Variants in SUCLA2 observed in about 807,000 individuals in gnomAD.
SUCLA2 encodes the protein succinate-CoA ligase ADP-forming subunit beta.
Under a neutral mutation model 54.8 loss-of-function variants are expected in SUCLA2, and 30 were observed. The ratio of observed to expected loss-of-function variants is 0.55; its 90% CI spans 0.41 to 0.74. SUCLA2 has a LOEUF of 0.74. SUCLA2 is among the 30% of genes least tolerant of loss of function. SUCLA2 has a pLI of 0.00. For missense variants in SUCLA2, 476 were observed against 562.9 expected (o/e 0.85, Z 1.56); for synonymous variants, 172 against 188.9 (o/e 0.91, Z 0.74).
At chr13:47,968,213 G>A (rs1023984706) in intron 6 of SUCLA2, among the ~76,000 whole-genome samples, 3 of 152,110 alleles carry the variant, frequency 2.0e-5, no homozygotes, top group Admixed American at 2.0e-4. Flanking sequence ...TTTTAATATG[G>A]TAACCACATT....
intron 2 of SUCLA2, among the ~76,000 whole-genome samples, chr13:47,995,114 A>G (rs1950180585): frequency 6.6e-6 from 1 of 152,208 alleles, no homozygotes; most frequent in South Asian, 2.1e-4. Context: ...CCAGCTACTC[A>G]GAGGCCTAAG....
chr13:47,980,340 G>C (rs560284783), intron 4 of SUCLA2, among the ~76,000 whole-genome samples: 8 of 152,054 alleles, frequency 5.3e-5, no homozygotes, highest in Non-Finnish European at 1.0e-4. Context: ...GTGTGAACCC[G>C]GGAAATGCAG....
intron 6 of SUCLA2, among the ~76,000 whole-genome samples, chr13:47,963,601 C>T (rs771652999): frequency 2.0e-5 from 3 of 151,886 alleles, no homozygotes; most frequent in African/African-American, 7.3e-5. Flanking sequence ...GCTGAGATCA[C>T]GCCACTGCAC....
chr13:47,949,450 T>C (rs773060630), intron 9 of SUCLA2, 33 bp downstream of exon 9: 5 of 1,612,290 alleles, frequency 3.1e-6, no homozygotes, highest in Admixed American at 1.7e-5. Flanking sequence ...TTTAAAGAAT[T>C]AGGAACAACT....
At chr13:47,944,343 ATTG>A (rs1393163698) in intron 10 of SUCLA2, among the ~76,000 whole-genome samples, 2 of 152,184 alleles carry the variant, frequency 1.3e-5, no homozygotes, top group Non-Finnish European at 1.5e-5. Context: ...CAATATTATT[ATTG>A]TTATGACTTC....
chr13:47,974,078 A>AAAGT (rs1949989345), intron 4 of SUCLA2, among the ~76,000 whole-genome samples: 1 of 110,266 alleles, frequency 9.1e-6, no homozygotes, highest in African/African-American at 3.1e-5. Flanking sequence ...CCCAGAACTT[A>AAAGT]AAGTATAATT....
At chr13:47,954,972 T>C (rs977811413) in intron 6 of SUCLA2, among the ~76,000 whole-genome samples, 2 of 152,020 alleles carry the variant, frequency 1.3e-5, no homozygotes, top group African/African-American at 4.8e-5. Flanking sequence ...CCCCACCCCT[T>C]ACCTTTCTAT....
At chr13:47,988,845 T>C (rs187030258) in intron 3 of SUCLA2, 37 bp downstream of exon 3, 16 of 1,598,416 alleles carry the variant, frequency 1.0e-5, no homozygotes, top group African/African-American at 2.7e-5. Flanking sequence ...AATCAGTCTT[T>C]AACAAGGATG....
intron 1 of SUCLA2, among the ~76,000 whole-genome samples, chr13:47,998,186 A>AG (rs1950203933): frequency 6.6e-6 from 1 of 151,896 alleles, no homozygotes; most frequent in Admixed American, 6.6e-5. Flanking sequence ...CTGAGGCAGG[A>AG]GGATCCCTTC....
intron 4 of SUCLA2, among the ~76,000 whole-genome samples, chr13:47,977,377 C>G (rs181518585): frequency 1.4e-4 from 22 of 152,246 alleles, no homozygotes; most frequent in Non-Finnish European, 8.8e-5. Context: ...ACCAATCTTT[C>G]CCAAGCTCTT....
intron 5 of SUCLA2, among the ~76,000 whole-genome samples, chr13:47,972,331 T>C (rs531552785): frequency 1.3e-5 from 2 of 151,870 alleles, no homozygotes; most frequent in South Asian, 2.1e-4. Flanking sequence ...AAAAATTGAT[T>C]TGAAACAACT....
chr13:47,972,016 C>T (rs1379112457), intron 5 of SUCLA2: 3 of 392,732 alleles, frequency 7.6e-6, no homozygotes, highest in African/African-American at 2.1e-5. Context: ...TTCAGGAGGC[C>T]GATGAGGGTG....
chr13:48,001,020 C>G (rs1950226532), intron 1 of SUCLA2, 160 bp downstream of exon 1: 3 of 1,475,564 alleles, frequency 2.0e-6, no homozygotes, highest in Non-Finnish European at 1.8e-6. Flanking sequence ...GCTCGTAGTC[C>G]TGGCGAGCAG....
intron 4 of SUCLA2, among the ~76,000 whole-genome samples, chr13:47,986,611 T>G (rs2137740395): frequency 6.6e-6 from 1 of 152,320 alleles, no homozygotes; most frequent in East Asian, 1.9e-4. Context: ...ATCATGAATC[T>G]TTGCCCGCGC....
intron 10 of SUCLA2, among the ~76,000 whole-genome samples, chr13:47,946,733 G>A (rs1325373903): frequency 6.6e-6 from 1 of 152,018 alleles, no homozygotes; most frequent in African/African-American, 2.4e-5. Flanking sequence ...AGATATAATT[G>A]CTTTCAGTAA....
In SUCLA2 at chr13:47,988,371, G is replaced by A. The variant is rs920362681; in HGVS notation, c.534+170C>T. The A allele has an allele frequency of 3.6e-5, 24 of 668,234 alleles. No homozygotes were observed. The Admixed American group carries it at 6.4e-4, about 18-fold the overall frequency. The allele number at this position is 668,234 out of a possible 1,614,324, so 41.4% of individuals were successfully genotyped here. A position where few individuals can be genotyped will look rare whatever the true frequency, so the allele number is the denominator to read the frequency against. The stretch of plus-strand genomic sequence containing the variant: ...CATGATATTATATATCAAATTTTAC[G>A]GCATTAAAGAAGCTGTTTTTTAAAT... On this transcript the variant is annotated intron_variant, in intron 4 of 10. Coordinates refer to ENST00000646932, the MANE Select transcript of SUCLA2 (RefSeq NM_003850.3).
At chr13:47,961,918 T>C (rs191180954) in intron 6 of SUCLA2, among the ~76,000 whole-genome samples, 1 of 152,326 alleles carries the variant, frequency 6.6e-6, no homozygotes, top group African/African-American at 2.4e-5. Flanking sequence ...GAGGAGTTCA[T>C]GAAAAGGATT....
At chr13:47,996,736 T>G (rs571078957) in intron 2 of SUCLA2, 107 bp downstream of exon 2, 1 of 982,828 alleles carries the variant, frequency 1.0e-6, no homozygotes, top group East Asian at 2.6e-5. Flanking sequence ...AAAGAAAATG[T>G]ATTTTTTTTA....
In SUCLA2 at chr13:47,949,571, T is replaced by G; in HGVS notation, c.1140A>C (p.Gly380=). The stretch of plus-strand genomic sequence containing the variant: ...GTGCAATAACATCACAGCGCATGAT[T>G]CCTCCAAAAATGTTGACCAGAATAG... ...VLAILVNIFG[G]IMRCDVIAQG... is the part of the protein sequence containing the mutation. Residue 380 remains glycine, a synonymous_variant, in exon 9 of 11, where the codon GGA becomes GGC. Coordinates refer to ENST00000646932, the MANE Select transcript of SUCLA2 (RefSeq NM_003850.3). 1 of 1,613,560 alleles carries G rather than the reference T, an allele frequency of 6.2e-7. No homozygotes were observed. The highest frequency in any genetic ancestry group is 8.5e-7 in the Non-Finnish European group (1 of 1,179,646).
Sources: gnomAD v4.1 joint callset for allele counts (sites outside exome capture counted in the v4.1 genomes callset) on GRCh38, gnomAD v4.1.1 for gene constraint, MANE v1.5 for transcripts, NCBI Gene and HGNC (gene_info 2026-07-23, HGNC 2026-07-21) for gene names.